The following TRIM13 variants were observed in gnomAD, a reference collection of about 807,000 sequenced individuals.
TRIM13 encodes the protein tripartite motif containing 13.
In TRIM13, 15 loss-of-function variants were observed where a neutral mutation model predicts 27.1. That is an observed-to-expected ratio of 0.55 (90% CI 0.37 to 0.85). The LOEUF (loss-of-function observed/expected upper bound fraction) is 0.85. Among genes scored for constraint, TRIM13 ranks in the 40% least tolerant of loss-of-function variants. The probability of loss-of-function intolerance (pLI) is 0.00; values close to 1 mark genes in which losing one functional copy is unlikely to be tolerated. For missense variants in TRIM13, 402 were observed against 472.2 expected (o/e 0.85, Z 1.38); for synonymous variants, 193 against 171.5 (o/e 1.13, Z -0.98).
At position 50,014,325 on chromosome 13, in the gene TRIM13, A is replaced by G. The variant is rs1876050198; in HGVS notation, c.*1161A>G. On this transcript the variant is annotated 3_prime_UTR_variant, in exon 2 of 2. Transcript: ENST00000378182. ...ACCCAGTCTCTACCAAAAAAAAAAA[A>G]AAAAAAAAAAAAAAAAAAAATATAT... 1 of 52,506 alleles carries G rather than the reference A, an allele frequency of 1.9e-5. No individual in the cohort carries two copies. Among genetic ancestry groups the G allele is most frequent in the Non-Finnish European group, 3.5e-5 (1 of 28,820 alleles). 3.3% of individuals were successfully genotyped at this position (52,506 alleles called of 1,614,324 possible).
Position 50,014,159 on chromosome 13 carries a change from CATAG to C in TRIM13, c.*1000_*1003del, listed in dbSNP as rs1391649604. 2.2e-4 allele frequency: 36 copies of C among 164,428 alleles called. 1 individual carries two copies. The highest frequency in any genetic ancestry group is 1.7e-3 in the Admixed American group (26 of 14,950). The allele number at this position is 164,428 out of a possible 1,614,324, so 10.2% of individuals were successfully genotyped here. The stretch of plus-strand genomic sequence containing the variant: ...TGTTAAGTGGCTATGCAAGCAAAAG[CATAG>C]ATAGGTTAAAAAAAAGGATCAGCTG... On this transcript the variant is annotated 3_prime_UTR_variant, in exon 2 of 2. Coordinates refer to ENST00000378182, the MANE Select transcript of TRIM13 (RefSeq NM_213590.3).
At position 50,014,360 on chromosome 13, in the gene TRIM13, T is replaced by TATATATATATATATATACAC. The variant is rs879170111; in HGVS notation, c.*1197_*1198insTATATATATATATATACACA. The TATATATATATATATATACAC allele has an allele frequency of 3.4e-5, 2 of 58,542 alleles. No homozygotes were observed. The highest frequency in any genetic ancestry group is 7.1e-4 in the South Asian group (1 of 1,414). 3.6% of individuals were successfully genotyped at this position (58,542 alleles called of 1,614,324 possible). A position where few individuals can be genotyped will look rare whatever the true frequency, so the allele number is the denominator to read the frequency against. ...AAAAAAAAAAATATATATATATATA[T>TATATATATATATATATACAC]ACACACACACACACACATATGTACA... On this transcript the variant is annotated 3_prime_UTR_variant, in exon 2 of 2. Transcript: ENST00000378182.
chr13:50,015,958 C>T lies in TRIM13; in HGVS notation c.*2794C>T, dbSNP rs764218311. Reference sequence around the variant, plus strand: ...CTTCAGCGCCGACCTGGAATGGTAACTTTTTCCCTCCTCAGATGACCTTAC... The same window carrying T: ...CTTCAGCGCCGACCTGGAATGGTAATTTTTTCCCTCCTCAGATGACCTTAC... On this transcript the variant is annotated 3_prime_UTR_variant, in exon 2 of 2. Transcript: ENST00000378182. 6.2e-7 allele frequency: 1 copy of T among 1,613,982 alleles called. No homozygotes were observed. Among genetic ancestry groups the T allele is most frequent in the Non-Finnish European group, 8.5e-7 (1 of 1,179,978 alleles).
Position 50,012,908 on chromosome 13 carries a change from T to C in TRIM13, c.968T>C (p.Leu323Pro), listed in dbSNP as rs777441684. The C allele has an allele frequency of 6.2e-7, 1 of 1,614,022 alleles. No individual in the cohort carries two copies. The highest frequency in any genetic ancestry group is 1.1e-5 in the South Asian group (1 of 91,084). ...SFYKLFLLIL[L>P]LGLVIVFGPT... ...TATAAGTTATTTTTGCTAATCCTTC[T>C]GCTTGGCCTTGTCATTGTCTTTGGT... Residue 323 changes from leucine to proline, a missense_variant, in exon 2 of 2, where the codon CTG becomes CCG. This residue lies in a region of TRIM13 where 200 missense variants were observed against 194.7 expected (regional missense o/e 1.03). Transcript: ENST00000378182.
chr13:50,002,203 A>G (rs529567116), intron 1 of TRIM13, among the ~76,000 whole-genome samples: 4 of 152,234 alleles, frequency 2.6e-5, no homozygotes, highest in Non-Finnish European at 2.9e-5. Flanking sequence ...AGCCTGGCCA[A>G]CATGGCGAAA....
rs1876346652 is a variant in TRIM13, at chr13:50,015,121, A to AT, written c.*1958dup. The AT allele has an allele frequency of 6.3e-5, 3 of 47,274 alleles. No homozygotes were observed. The highest frequency in any genetic ancestry group is 2.0e-4 in the Admixed American group (1 of 4,888). 2.9% of individuals were successfully genotyped at this position (47,274 alleles called of 1,614,324 possible). Reference sequence around the variant, plus strand: ...TATATATATATATATATATATATATATATATATATATATATATATATATAT... The same window carrying AT: ...TATATATATATATATATATATATATATTATATATATATATATATATATATAT... On this transcript the variant is annotated 3_prime_UTR_variant, in exon 2 of 2. Transcript: ENST00000378182.
rs754999436 is a variant in TRIM13 at position 50,016,982 on chromosome 13, CT to C, written c.*3820del. 1.1e-4 allele frequency: 19 copies of C among 166,630 alleles called. No homozygotes were observed. The South Asian group carries it at 1.2e-3, about 11-fold the overall frequency. The allele number at this position is 166,630 out of a possible 1,614,324, so 10.3% of individuals were successfully genotyped here. On this transcript the variant is annotated 3_prime_UTR_variant, in exon 2 of 2. Coordinates refer to ENST00000378182, the MANE Select transcript of TRIM13 (RefSeq NM_213590.3). ...CTTAGCGACACACTCCTTGGTCTTG[CT>C]TACCAACTGGAGGACACTAGGTAGA...
At chr13:49,999,239 A>C (rs899821614) in intron 1 of TRIM13, among the ~76,000 whole-genome samples, 4 of 152,080 alleles carry the variant, frequency 2.6e-5, no homozygotes, top group Non-Finnish European at 4.4e-5. Flanking sequence ...TTAGGGTGGG[A>C]GGGCCAGTCT....
At chr13:50,007,929 G>C (rs1036140123) in intron 1 of TRIM13, among the ~76,000 whole-genome samples, 13 of 150,664 alleles carry the variant, frequency 8.6e-5, no homozygotes, top group Non-Finnish European at 1.9e-4. Flanking sequence ...TTTTGAGACA[G>C]AGTATTGCTG....
intron 1 of TRIM13, among the ~76,000 whole-genome samples, chr13:49,999,317 T>G (rs1023086732): frequency 1.1e-4 from 16 of 152,104 alleles, no homozygotes; most frequent in South Asian, 2.1e-4. Flanking sequence ...AATCACCACC[T>G]CCTCAAGCCT....
intron 1 of TRIM13, among the ~76,000 whole-genome samples, chr13:50,009,945 AAAG>A (rs1452970537): frequency 2.0e-5 from 3 of 151,952 alleles, no homozygotes; most frequent in Admixed American, 1.3e-4. Context: ...GAAAAAAAGA[AAAG>A]AAAAGGAAAT....
chr13:50,011,014 T>G (rs1875563093), intron 1 of TRIM13, among the ~76,000 whole-genome samples: 1 of 152,224 alleles, frequency 6.6e-6, no homozygotes. Context: ...TAATTTTTAC[T>G]GCTGCATCAA....
At position 50,015,929 on chromosome 13, in the gene TRIM13, C is replaced by G. The variant is rs1457073478; in HGVS notation, c.*2765C>G. On this transcript the variant is annotated 3_prime_UTR_variant, in exon 2 of 2. Transcript: ENST00000378182. ...AGGGAGGATTACAGTGTTTACAGAA[C>G]AACCTTCAGCGCCGACCTGGAATGG... 6.2e-7 allele frequency: 1 copy of G among 1,613,976 alleles called. No homozygotes were observed. The highest frequency in any genetic ancestry group is 1.3e-5 in the African/African-American group (1 of 74,922).
chr13:50,004,241 T>G (rs1241062652), intron 1 of TRIM13, among the ~76,000 whole-genome samples: 1 of 152,036 alleles, frequency 6.6e-6, no homozygotes, highest in African/African-American at 2.4e-5. Context: ...CCCGACTGCT[T>G]GAGCTCAGGA....
intron 1 of TRIM13, among the ~76,000 whole-genome samples, chr13:50,005,350 G>C (rs1193547957): frequency 1.3e-5 from 2 of 151,996 alleles, no homozygotes; most frequent in African/African-American, 4.8e-5. Flanking sequence ...TGGTCACATA[G>C]TTTTGTCTTA....
At position 50,017,230 on chromosome 13, in the gene TRIM13, GTGAT is replaced by G. The variant is rs1876715149; in HGVS notation, c.*4068_*4071del. On this transcript the variant is annotated 3_prime_UTR_variant, in exon 2 of 2. Transcript: ENST00000378182. ...ATTTTTTTTGGTTTTTAAAATATGA[GTGAT>G]TATGACCTCTTTGGGGATCATGCTT... 1 of 166,972 alleles carries G rather than the reference GTGAT, an allele frequency of 6.0e-6. No individual in the cohort carries two copies. The highest frequency in any genetic ancestry group is 2.1e-4 in the South Asian group (1 of 4,824). The allele number at this position is 166,972 out of a possible 1,614,324, so 10.3% of individuals were successfully genotyped here.
At chr13:50,004,739 C>T (rs1278156432) in intron 1 of TRIM13, among the ~76,000 whole-genome samples, 24 of 150,352 alleles carry the variant, frequency 1.6e-4, no homozygotes, top group African/African-American at 5.6e-4. Context: ...AAGATGGCGC[C>T]ACTGCACTTC....
chr13:50,016,384 G>A lies in TRIM13; in HGVS notation c.*3220G>A, dbSNP rs1247539365. ...ATTATGTTCCATTGCTAATGAATTT[G>A]ACTTAGAAAAGAATTGCCTTATTTT... On this transcript the variant is annotated 3_prime_UTR_variant, in exon 2 of 2. Coordinates refer to ENST00000378182, the MANE Select transcript of TRIM13 (RefSeq NM_213590.3). 3.7e-6 allele frequency: 1 copy of A among 268,428 alleles called. No homozygotes were observed. Among genetic ancestry groups the A allele is most frequent in the East Asian group, 8.4e-5 (1 of 11,922 alleles). 16.6% of individuals were successfully genotyped at this position (268,428 alleles called of 1,614,324 possible).
At chr13:50,000,950 C>T (rs1873954630) in intron 1 of TRIM13, 2 of 152,128 alleles carry the variant, frequency 1.3e-5, no homozygotes, top group African/African-American at 2.4e-5. Context: ...ATCTCTGAAA[C>T]TTACTTTTAT....
Sources: allele counts gnomAD v4.1 joint callset (sites outside exome capture counted in the v4.1 genomes callset), GRCh38; gene constraint gnomAD v4.1.1; regional missense constraint gnomAD v4.1.1; transcripts MANE v1.5; gene names NCBI Gene and HGNC (gene_info 2026-07-23, HGNC 2026-07-21).